Variants in MDGA2 observed in about 807,000 individuals in gnomAD.
MDGA2 encodes MAM domain containing glycosylphosphatidylinositol anchor 2.
Under a neutral mutation model 117.8 loss-of-function variants are expected in MDGA2, and 40 were observed. That is an observed-to-expected ratio of 0.34 (90% CI 0.26 to 0.44). The LOEUF (loss-of-function observed/expected upper bound fraction) is 0.44, where lower values mean the gene tolerates loss of function less well. Ranked by LOEUF, MDGA2 falls within the 20% of genes least tolerant of loss-of-function variation. The pLI, the probability that MDGA2 is intolerant of heterozygous loss-of-function variation, is 1.00. For missense variants in MDGA2, 1,123 were observed against 1,250.6 expected (o/e 0.90, Z 1.54); for synonymous variants, 452 against 439.0 (o/e 1.03, Z -0.37).
intron 1 of MDGA2, among the ~76,000 whole-genome samples, chr14:47,671,776 C>G (rs767533031): frequency 1.3e-5 from 2 of 152,174 alleles, no homozygotes; most frequent in Non-Finnish European, 2.9e-5. Flanking sequence ...ATGTTCAAAA[C>G]ACACTTTTTA....
At chr14:47,615,677 G>C (rs1896936361) in intron 1 of MDGA2, among the ~76,000 whole-genome samples, 1 of 152,182 alleles carries the variant, frequency 6.6e-6, no homozygotes, top group Non-Finnish European at 1.5e-5. Flanking sequence ...TATTCTAATA[G>C]GCAATCCTAA....
chr14:47,315,671 G>A (rs770806686), intron 1 of MDGA2, among the ~76,000 whole-genome samples: 9 of 151,980 alleles, frequency 5.9e-5, no homozygotes, highest in Non-Finnish European at 1.0e-4. Flanking sequence ...AAAATCCAAG[G>A]AATGACCAAG....
chr14:47,524,169 G>A (rs1472417983), intron 1 of MDGA2, among the ~76,000 whole-genome samples: 1 of 152,166 alleles, frequency 6.6e-6, no homozygotes, highest in Non-Finnish European at 1.5e-5. Flanking sequence ...TACAACGTAA[G>A]CCAACCCTTC....
Position 47,139,561 on chromosome 14 carries a change from C to T in MDGA2, c.792+4517G>A, listed in dbSNP as rs577436979. On this transcript the variant is annotated intron_variant, in intron 4 of 16. Coordinates refer to ENST00000399232, the MANE Select transcript of MDGA2 (RefSeq NM_001113498.3). ...TCTTATTTTAACTGAATCTTATTTA[C>T]GTCATGAAGCCACAAAGGTCAATGA... Among the ~76,000 whole-genome samples the T allele has an allele frequency of 1.0e-3, 154 of 151,488 alleles. 1 individual carries two copies. Among genetic ancestry groups the T allele is most frequent in the Middle Eastern group, 6.8e-3 (2 of 294 alleles).
rs116760761 is a variant in MDGA2, at chr14:47,227,277, T to A, written c.421-9082A>T. ...ATCTTGGGAGTTTATTCCCTACCCC[T>A]GTGACTCTTAGCCGATGAATGATTA... On this transcript the variant is annotated intron_variant, in intron 2 of 16. Transcript: ENST00000399232. Among the ~76,000 whole-genome samples, 360 of 152,246 alleles carry A rather than the reference T, an allele frequency of 2.4e-3. 2 individuals carry two copies. Among genetic ancestry groups the A allele is most frequent in the African/African-American group, 8.3e-3 (347 of 41,568 alleles).
intron 1 of MDGA2, among the ~76,000 whole-genome samples, chr14:47,512,885 A>G (rs1894671061): frequency 6.7e-6 from 1 of 149,614 alleles, no homozygotes; most frequent in Non-Finnish European, 1.5e-5. Context: ...GTGAACTTCA[A>G]AACTCTGCTG....
chr14:46,935,811 C>T (rs977907645), intron 9 of MDGA2, among the ~76,000 whole-genome samples: 6 of 152,058 alleles, frequency 3.9e-5, no homozygotes, highest in African/African-American at 1.2e-4. Flanking sequence ...ATGCAGGGAT[C>T]GGTATGGCAG....
At chr14:47,512,709 A>G (rs1227794567) in intron 1 of MDGA2, among the ~76,000 whole-genome samples, 1 of 152,270 alleles carries the variant, frequency 6.6e-6, no homozygotes, top group African/African-American at 2.4e-5. Flanking sequence ...TCAGTCTCTT[A>G]TAAAGTAGAT....
chr14:47,032,879 A>C (rs996890629), intron 8 of MDGA2, among the ~76,000 whole-genome samples: 1 of 152,184 alleles, frequency 6.6e-6, no homozygotes, highest in African/African-American at 2.4e-5. Flanking sequence ...ATCCTCACCT[A>C]GAGCTGGCAA....
chr14:47,326,619 T>C (rs895949540), intron 1 of MDGA2, among the ~76,000 whole-genome samples: 1 of 152,030 alleles, frequency 6.6e-6, no homozygotes, highest in Admixed American at 6.6e-5. Context: ...CTCCTTTATG[T>C]TGTTGCCCCA....
At chr14:46,881,206 C>T (rs112477740) in intron 11 of MDGA2, among the ~76,000 whole-genome samples, 1 of 152,098 alleles carries the variant, frequency 6.6e-6, no homozygotes, top group Non-Finnish European at 1.5e-5. Context: ...GCTATGAAGT[C>T]CCAAAAAGGC....
intron 1 of MDGA2, among the ~76,000 whole-genome samples, chr14:47,440,561 T>C (rs545617404): frequency 2.2e-4 from 33 of 152,210 alleles, no homozygotes; most frequent in Non-Finnish European, 3.5e-4. Context: ...TAAACGCTTT[T>C]CCAGAGAAGA....
intron 3 of MDGA2, among the ~76,000 whole-genome samples, chr14:47,207,718 CA>C (rs1885738045): frequency 6.6e-6 from 1 of 151,970 alleles, no homozygotes; most frequent in Non-Finnish European, 1.5e-5. Flanking sequence ...GTCTTGATTG[CA>C]TATCTGCCTC....
chr14:46,899,562 A>G (rs756084411), intron 10 of MDGA2, among the ~76,000 whole-genome samples: 20 of 152,034 alleles, frequency 1.3e-4, no homozygotes, highest in Admixed American at 9.2e-4. Context: ...CACCAAGAAT[A>G]TGGGGCTCAC....
chr14:47,197,091 C>T (rs1421921900), intron 3 of MDGA2, among the ~76,000 whole-genome samples: 10 of 152,114 alleles, frequency 6.6e-5, no homozygotes, highest in Admixed American at 6.5e-4. Context: ...GGTTGATTCC[C>T]TGTCTTTGAT....
chr14:46,977,716 G>GATATATATATATCTGTATAT (rs1886518695), intron 8 of MDGA2, among the ~76,000 whole-genome samples: 1 of 151,826 alleles, frequency 6.6e-6, no homozygotes, highest in African/African-American at 2.4e-5. Flanking sequence ...ACCAGTTACA[G>GATATATATATATCTGTATAT]ATATAATATT....
chr14:47,424,905 A>C (rs1892653851), intron 1 of MDGA2, among the ~76,000 whole-genome samples: 1 of 152,164 alleles, frequency 6.6e-6, no homozygotes, highest in African/African-American at 2.4e-5. Flanking sequence ...AAGGATAGAG[A>C]TATGGAAAAG....
chr14:47,538,098 A>C (rs947477262), intron 1 of MDGA2, among the ~76,000 whole-genome samples: 3 of 152,348 alleles, frequency 2.0e-5, no homozygotes. Flanking sequence ...TATAATTGCT[A>C]GACTCTTTTA....
intron 5 of MDGA2, among the ~76,000 whole-genome samples, chr14:47,106,028 A>G (rs1226981831): frequency 6.6e-6 from 1 of 151,934 alleles, no homozygotes; most frequent in African/African-American, 2.4e-5. Flanking sequence ...AGGTGGCTGG[A>G]GCTAAAGGAA....
Sources: allele counts gnomAD v4.1 joint callset (sites outside exome capture counted in the v4.1 genomes callset), GRCh38; gene constraint gnomAD v4.1.1; transcripts MANE v1.5; gene names NCBI Gene and HGNC (gene_info 2026-07-23, HGNC 2026-07-21).